Variants in ATF1 observed in about 807,000 individuals in gnomAD.
ATF1 encodes the protein activating transcription factor 1, also known as cyclic AMP-dependent transcription factor ATF-1.
Under a neutral mutation model 34.7 loss-of-function variants are expected in ATF1, and 16 were observed. That is an observed-to-expected ratio of 0.46 (90% CI 0.31 to 0.70). The LOEUF (loss-of-function observed/expected upper bound fraction) is 0.70, where lower values mean the gene tolerates loss of function less well. Ranked by LOEUF, ATF1 falls within the 30% of genes least tolerant of loss-of-function variation. The pLI, the probability that ATF1 is intolerant of heterozygous loss-of-function variation, is 0.05. For missense variants in ATF1, 255 were observed against 321.6 expected (o/e 0.79, Z 1.58); for synonymous variants, 105 against 113.1 (o/e 0.93, Z 0.46).
rs561470520 is a variant in ATF1 at position 50,783,448 on chromosome 12, C to T, written c.93+3210C>T. 5.9e-5 allele frequency among the ~76,000 whole-genome samples: 9 copies of T among 151,786 alleles called. 1 individual carries two copies. In the South Asian group the frequency reaches 8.3e-4, roughly 14 times the overall value. On this transcript the variant is annotated intron_variant, in intron 2 of 6. Transcript: ENST00000262053. ...GAAATGTTCTAATTCAGTTGGCTTACTTATATCTATATTTCAGTTATTTTA... is the reference window on the plus strand; with the variant it reads ...GAAATGTTCTAATTCAGTTGGCTTATTTATATCTATATTTCAGTTATTTTA...
chr12:50,771,502 A>C (rs1940769309), intron 1 of ATF1, among the ~76,000 whole-genome samples: 1 of 152,182 alleles, frequency 6.6e-6, no homozygotes, highest in Admixed American at 6.6e-5. Flanking sequence ...CCTCATAGGC[A>C]GGCAGGAATA....
At chr12:50,817,325 A>G (rs1941863930) in intron 6 of ATF1, among the ~76,000 whole-genome samples, 2 of 152,204 alleles carry the variant, frequency 1.3e-5, no homozygotes, top group Admixed American at 1.3e-4. Flanking sequence ...TATTTATAGA[A>G]TGGAATGTTT....
At chr12:50,769,925 C>A (rs1293191327) in intron 1 of ATF1, among the ~76,000 whole-genome samples, 1 of 152,188 alleles carries the variant, frequency 6.6e-6, no homozygotes, top group Non-Finnish European at 1.5e-5. Context: ...CTAGAATGTT[C>A]ATGAATATCA....
chr12:50,764,940 CTGT>C, intron 1 of ATF1, among the ~76,000 whole-genome samples: 1 of 152,298 alleles, frequency 6.6e-6, no homozygotes, highest in Admixed American at 6.5e-5. Context: ...ACAAGGGCGT[CTGT>C]ACCCTTTGGG....
rs1941690453 is a variant in ATF1 at position 50,809,522 on chromosome 12, A to G, written c.261A>G (p.Gly87=). The part of the protein sequence containing the change: ...RGRKGDGENS[G]VSAAVTSMSV... ...GAAAAGGAGACGGAGAAAATTCTGG[A>G]GTTTCTGCTGCTGTCACTTCTATGT... The change falls in exon 4 of 7, where the codon GGA becomes GGG. Residue 87 remains glycine, a synonymous_variant. Coordinates refer to ENST00000262053, the MANE Select transcript of ATF1 (RefSeq NM_005171.5). 1 of 1,613,582 alleles carries G rather than the reference A, an allele frequency of 6.2e-7. No individual in the cohort carries two copies. Among genetic ancestry groups the G allele is most frequent in the African/African-American group, 1.3e-5 (1 of 74,870 alleles).
intron 2 of ATF1, among the ~76,000 whole-genome samples, chr12:50,780,454 C>T (rs1326194039): frequency 6.6e-6 from 1 of 151,518 alleles, no homozygotes; most frequent in Non-Finnish European, 1.5e-5. Context: ...AAACAATTCT[C>T]CTACCGCAGC....
At chr12:50,815,111 G>T (rs1941816348) in intron 6 of ATF1, among the ~76,000 whole-genome samples, 1 of 151,738 alleles carries the variant, frequency 6.6e-6, no homozygotes. Context: ...AACAGAGTGA[G>T]ACTCTGTCTC....
chr12:50,765,151 G>T (rs1308697558), intron 1 of ATF1, among the ~76,000 whole-genome samples: 1 of 152,154 alleles, frequency 6.6e-6, no homozygotes, highest in East Asian at 1.9e-4. Flanking sequence ...GAACCTTTAG[G>T]GTTCAGAAGC....
chr12:50,764,789 C>G (rs1344356143), intron 1 of ATF1: 2 of 152,360 alleles, frequency 1.3e-5, no homozygotes, highest in East Asian at 3.8e-4. Flanking sequence ...GAGGCGCGCC[C>G]CTTACCCTCC....
chr12:50,781,549 CAA>C (rs1941061682), intron 2 of ATF1, among the ~76,000 whole-genome samples: 1 of 152,084 alleles, frequency 6.6e-6, no homozygotes, highest in Non-Finnish European at 1.5e-5. Flanking sequence ...CTCCCGGGTT[CAA>C]ACGATTCTCC....
In ATF1 at chr12:50,782,555, T is replaced by G. The variant is rs1373605846; in HGVS notation, c.93+2317T>G. ...CAGGCCTGAGCCACCACACCCGGCCTTTTTTTTTTTTTTTTTTTTAGTAGA... is the reference window on the plus strand; with the variant it reads ...CAGGCCTGAGCCACCACACCCGGCCGTTTTTTTTTTTTTTTTTTTAGTAGA... On this transcript the variant is annotated intron_variant, in intron 2 of 6. Coordinates refer to ENST00000262053, the MANE Select transcript of ATF1 (RefSeq NM_005171.5). 5.6e-5 allele frequency among the ~76,000 whole-genome samples: 4 copies of G among 71,596 alleles called. No individual in the cohort carries two copies. The East Asian group carries it at 7.3e-4, about 13-fold the overall frequency. The allele number at this position is 71,596 out of a possible 152,430, so 47.0% of individuals were successfully genotyped here.
intron 4 of ATF1, among the ~76,000 whole-genome samples, chr12:50,809,961 G>A (rs1458499475): frequency 6.6e-6 from 1 of 152,104 alleles, no homozygotes; most frequent in Non-Finnish European, 1.5e-5. Flanking sequence ...AGCCTCCGGA[G>A]TAGCTGGGAT....
intron 1 of ATF1, among the ~76,000 whole-genome samples, chr12:50,777,790 A>AAG (rs1259686324): frequency 1.3e-5 from 2 of 151,720 alleles, no homozygotes; most frequent in African/African-American, 4.8e-5. Flanking sequence ...CAAAAAAAAA[A>AAG]AAATGTTTTC....
At chr12:50,806,388 G>T in intron 3 of ATF1, 2 of 507,546 alleles carry the variant, frequency 3.9e-6, no homozygotes, top group South Asian at 3.0e-5. Flanking sequence ...CCATAAGGAT[G>T]ACAGTTATCA....
chr12:50,785,343 G>C (rs959992011), intron 2 of ATF1, among the ~76,000 whole-genome samples: 1 of 120,250 alleles, frequency 8.3e-6, no homozygotes, highest in African/African-American at 3.3e-5. Context: ...ACACACAGAC[G>C]TATATATATA....
intron 1 of ATF1, among the ~76,000 whole-genome samples, chr12:50,774,350 A>G (rs2139641756): frequency 6.6e-6 from 1 of 152,130 alleles, no homozygotes; most frequent in South Asian, 2.1e-4. Flanking sequence ...TTTTCTTAAA[A>G]GGGCCCTGCC....
intron 2 of ATF1, among the ~76,000 whole-genome samples, chr12:50,786,318 C>A (rs1374969716): frequency 6.6e-6 from 1 of 152,198 alleles, no homozygotes; most frequent in Non-Finnish European, 1.5e-5. Flanking sequence ...GGGGTGTGGG[C>A]ATGGCTCACC....
chr12:50,781,785 C>T (rs1159314596), intron 2 of ATF1, among the ~76,000 whole-genome samples: 2 of 151,980 alleles, frequency 1.3e-5, no homozygotes, highest in African/African-American at 4.8e-5. Flanking sequence ...TGTGGTGGCA[C>T]TACAACACCT....
At chr12:50,775,649 A>G (rs1192617298) in intron 1 of ATF1, 1 of 152,258 alleles carries the variant, frequency 6.6e-6, no homozygotes, top group Admixed American at 6.6e-5. Flanking sequence ...TTATGGAGGG[A>G]AAAAAATCAG....
Sources: allele counts gnomAD v4.1 joint callset (sites outside exome capture counted in the v4.1 genomes callset), GRCh38; gene constraint gnomAD v4.1.1; transcripts MANE v1.5; gene names NCBI Gene and HGNC (gene_info 2026-07-23, HGNC 2026-07-21).